Variants in PPARGC1A observed in about 807,000 individuals in gnomAD.
PPARGC1A encodes PPARG coactivator 1 alpha.
Under a neutral mutation model 88.7 loss-of-function variants are expected in PPARGC1A, and 25 were observed. The ratio of observed to expected loss-of-function variants is 0.28; its 90% CI spans 0.21 to 0.39. PPARGC1A has a LOEUF of 0.39. Ranked by LOEUF, PPARGC1A falls within the 10% of genes least tolerant of loss-of-function variation. The pLI, the probability that PPARGC1A is intolerant of heterozygous loss-of-function variation, is 1.00. For missense variants in PPARGC1A, 880 were observed against 968.7 expected, an observed-to-expected ratio of 0.91 and a Z score of 1.22; for synonymous variants, 363 against 355.6, an observed-to-expected ratio of 1.02 and a Z score of -0.24.
In PPARGC1A at chr4:23,829,508, A is replaced by G. The variant is rs1482800681; in HGVS notation, c.507T>C (p.His169=). The G allele has an allele frequency of 1.9e-6, 3 of 1,613,740 alleles. No homozygotes were observed. Among genetic ancestry groups the G allele is most frequent in the Non-Finnish European group, 2.5e-6 (3 of 1,179,772 alleles). ...NECSGLSTQN[H]ANHNHRIRTN... ...TTCTGATCCTGTGATTGTGATTTGC[A>G]TGGTTCTGGGTACTGAGACCACTGC... Residue 169 remains histidine, a synonymous_variant, in exon 4 of 13, where the codon CAT becomes CAC. Transcript: ENST00000264867.
chr4:23,870,777 A>C (rs1336480528), intron 2 of PPARGC1A, among the ~76,000 whole-genome samples: 1 of 152,284 alleles, frequency 6.6e-6, no homozygotes, highest in African/African-American at 2.4e-5. Context: ...AATAATCCTA[A>C]ATTTTTAATG....
chr4:24,038,560 T>C, the PPARGC1A span, among the ~76,000 whole-genome samples: 1 of 152,182 alleles, frequency 6.6e-6, no homozygotes, highest in Non-Finnish European at 1.5e-5. Flanking sequence ...TCTCTTCCAA[T>C]GTAGAGCAAT....
At chr4:24,128,682 T>C in the PPARGC1A span, among the ~76,000 whole-genome samples, 1 of 152,058 alleles carries the variant, frequency 6.6e-6, no homozygotes, top group African/African-American at 2.4e-5. Context: ...TTCTTAAAAT[T>C]TTCCATGGTA....
the PPARGC1A span, among the ~76,000 whole-genome samples, chr4:23,997,519 T>TTTTTTG: frequency 7.2e-6 from 1 of 138,000 alleles, no homozygotes; most frequent in East Asian, 2.0e-4. Flanking sequence ...TTTTTTTTTT[T>TTTTTTG]GGCGATGGAG....
chr4:23,834,281 C>T (rs1253102962), intron 2 of PPARGC1A, among the ~76,000 whole-genome samples: 1 of 151,912 alleles, frequency 6.6e-6, no homozygotes, highest in Non-Finnish European at 1.5e-5. Context: ...GCCTGGGCGA[C>T]ACAGCGAGAC....
At chr4:24,412,771 G>A in the PPARGC1A span, among the ~76,000 whole-genome samples, 1 of 152,158 alleles carries the variant, frequency 6.6e-6, no homozygotes, top group Admixed American at 6.5e-5. Flanking sequence ...CTGAGCCACC[G>A]CGCCCAGCTG....
intron 2 of PPARGC1A, among the ~76,000 whole-genome samples, chr4:23,872,025 C>A (rs1444201745): frequency 5.9e-5 from 9 of 152,064 alleles, no homozygotes; most frequent in Non-Finnish European, 1.3e-4. Context: ...AATAGCATTA[C>A]CCCATGAAGC....
intron 2 of PPARGC1A, among the ~76,000 whole-genome samples, chr4:23,836,666 A>T (rs1184095178): frequency 6.6e-6 from 1 of 152,196 alleles, no homozygotes; most frequent in Non-Finnish European, 1.5e-5. Flanking sequence ...GTCTGACATC[A>T]TTTAAAAGGC....
At chr4:24,132,421 T>C in the PPARGC1A span, among the ~76,000 whole-genome samples, 1 of 152,142 alleles carries the variant, frequency 6.6e-6, no homozygotes, top group Non-Finnish European at 1.5e-5. Flanking sequence ...GCTGGGACAA[T>C]GAATAGTGTC....
At chr4:24,102,030 C>G in the PPARGC1A span, among the ~76,000 whole-genome samples, 1 of 152,254 alleles carries the variant, frequency 6.6e-6, no homozygotes, top group East Asian at 1.9e-4. Flanking sequence ...GCTCTCTGGG[C>G]AGGAGAATAT....
the PPARGC1A span, among the ~76,000 whole-genome samples, chr4:23,921,228 A>C: frequency 7.2e-5 from 11 of 152,324 alleles, no homozygotes; most frequent in Non-Finnish European, 7.3e-5. Context: ...TACCCTGGGA[A>C]AACAGTAAAC....
rs558252835 is a variant in PPARGC1A, at chr4:23,822,503, C to G, written c.877+1777G>C. Among the ~76,000 whole-genome samples the G allele has an allele frequency of 1.1e-4, 17 of 152,166 alleles. 1 individual carries two copies. In the South Asian group the frequency reaches 3.5e-3, roughly 32 times the overall value. ...ATTTTAAAAAACTCTTTTGGCCAAT[C>G]AATGTCTTTAAACTTGAACTATGCT... On this transcript the variant is annotated intron_variant, in intron 7 of 12. Coordinates refer to ENST00000264867, the MANE Select transcript of PPARGC1A (RefSeq NM_013261.5).
At chr4:23,887,855 GGAGA>G (rs1283396691) in intron 1 of PPARGC1A, among the ~76,000 whole-genome samples, 2 of 152,110 alleles carry the variant, frequency 1.3e-5, no homozygotes, top group Non-Finnish European at 2.9e-5. Context: ...GAAAGGGGGT[GGAGA>G]GAGGGGCAGT....
At chr4:24,267,774 C>T in the PPARGC1A span, among the ~76,000 whole-genome samples, 3 of 152,116 alleles carry the variant, frequency 2.0e-5, no homozygotes, top group Non-Finnish European at 2.9e-5. Flanking sequence ...CAAAGTAGAC[C>T]AAGAAGCATA....
chr4:24,045,447 A>G, the PPARGC1A span, among the ~76,000 whole-genome samples: 2 of 152,156 alleles, frequency 1.3e-5, no homozygotes, highest in Non-Finnish European at 2.9e-5. Flanking sequence ...TCACAGTTAT[A>G]GAGGCTAAAA....
chr4:24,229,875 AGG>A, the PPARGC1A span, among the ~76,000 whole-genome samples: 1 of 150,026 alleles, frequency 6.7e-6, no homozygotes, highest in African/African-American at 2.4e-5. Flanking sequence ...TGTTGATGGC[AGG>A]GAAAGCTTTC....
chr4:24,034,252 T>C, the PPARGC1A span, among the ~76,000 whole-genome samples: 3 of 152,148 alleles, frequency 2.0e-5, no homozygotes, highest in African/African-American at 4.8e-5. Flanking sequence ...TTAGAGGTGA[T>C]TGGCCTTCAA....
chr4:24,035,511 A>G, the PPARGC1A span, among the ~76,000 whole-genome samples: 2 of 152,136 alleles, frequency 1.3e-5, no homozygotes, highest in Admixed American at 1.3e-4. Flanking sequence ...GCGCCATCAC[A>G]TTCCAGCCTG....
At chr4:24,106,378 C>T in the PPARGC1A span, among the ~76,000 whole-genome samples, 1 of 152,080 alleles carries the variant, frequency 6.6e-6, no homozygotes. Flanking sequence ...ATGAAAAGGA[C>T]AGAATATGAA....
Sources: allele counts gnomAD v4.1 joint callset (sites outside exome capture counted in the v4.1 genomes callset), GRCh38; gene constraint gnomAD v4.1.1; transcripts MANE v1.5; gene names NCBI Gene and HGNC (gene_info 2026-07-23, HGNC 2026-07-21).